BAZ2B: variants seen among roughly 807,000 people sequenced by gnomAD.
The protein encoded by BAZ2B is bromodomain adjacent to zinc finger domain protein 2B.
In BAZ2B, 91 loss-of-function variants were observed where a neutral mutation model predicts 246.0. That is an observed-to-expected ratio of 0.37 (90% CI 0.31 to 0.44). The LOEUF is 0.44. BAZ2B is among the 20% of genes least tolerant of loss of function. The pLI is 1.00. For missense variants in BAZ2B, 2,332 were observed against 2,533.7 expected, an observed-to-expected ratio of 0.92 and a Z score of 1.71; for synonymous variants, 855 against 860.0, an observed-to-expected ratio of 0.99 and a Z score of 0.10.
intron 8 of BAZ2B, chr2:159,437,924 A>T (rs571329310): frequency 6.0e-6 from 1 of 165,590 alleles, no homozygotes; most frequent in African/African-American, 2.5e-5. Flanking sequence ...CTCAAAAAAA[A>T]AAAATAAAAA....
chr2:159,339,115 T>C (rs1002179281), intron 31 of BAZ2B, among the ~76,000 whole-genome samples: 6 of 152,180 alleles, frequency 3.9e-5, no homozygotes, highest in African/African-American at 1.2e-4. Context: ...TCTTCCCCTT[T>C]AACTCAGTAG....
At chr2:159,690,139 GC>G in the BAZ2B span, 2 of 484,982 alleles carry the variant, frequency 4.1e-6, no homozygotes, top group Non-Finnish European at 7.4e-6. Context: ...GACTCTTGAG[GC>G]CATCAGATGC....
chr2:159,634,840 C>G, the BAZ2B span, among the ~76,000 whole-genome samples: 1 of 152,212 alleles, frequency 6.6e-6, no homozygotes, highest in African/African-American at 2.4e-5. Flanking sequence ...TAAAACACCC[C>G]TAGCCTGAAT....
chr2:159,417,020 A>T (rs1371470167), intron 13 of BAZ2B, among the ~76,000 whole-genome samples: 3 of 152,236 alleles, frequency 2.0e-5, no homozygotes, highest in Non-Finnish European at 4.4e-5. Context: ...CAGAAGTTAT[A>T]TATCAAAAGA....
At chr2:159,427,682 T>A (rs908105839) in intron 13 of BAZ2B, among the ~76,000 whole-genome samples, 11 of 152,194 alleles carry the variant, frequency 7.2e-5, no homozygotes, top group African/African-American at 2.7e-4. Flanking sequence ...TATACCTATA[T>A]AAACTGTAAA....
intron 18 of BAZ2B, among the ~76,000 whole-genome samples, chr2:159,397,958 G>C (rs2064306279): frequency 6.6e-6 from 1 of 152,106 alleles, no homozygotes; most frequent in African/African-American, 2.4e-5. Flanking sequence ...ACCATTCCAA[G>C]GGGATGGGGC....
At chr2:159,565,349 G>C (rs919323011) in intron 1 of BAZ2B, among the ~76,000 whole-genome samples, 1 of 152,198 alleles carries the variant, frequency 6.6e-6, no homozygotes, top group African/African-American at 2.4e-5. Context: ...ATACCTAGAG[G>C]GGGAGTGGAG....
At chr2:159,624,636 A>G in the BAZ2B span, among the ~76,000 whole-genome samples, 1 of 152,208 alleles carries the variant, frequency 6.6e-6, no homozygotes, top group Non-Finnish European at 1.5e-5. Flanking sequence ...TAGCATCAAC[A>G]TCAATAAAAA....
At chr2:159,685,216 A>T in the BAZ2B span, among the ~76,000 whole-genome samples, 1 of 152,222 alleles carries the variant, frequency 6.6e-6, no homozygotes, top group Non-Finnish European at 1.5e-5. Context: ...ATATAGAAAA[A>T]TGTTGCACTG....
intron 4 of BAZ2B, 35 bp downstream of exon 4, chr2:159,453,578 C>A: frequency 6.5e-7 from 1 of 1,538,722 alleles, no homozygotes; most frequent in South Asian, 1.3e-5. Flanking sequence ...AAGCTTTCCT[C>A]CTTCCCTTGA....
intron 1 of BAZ2B, among the ~76,000 whole-genome samples, chr2:159,588,332 A>T (rs2151680794): frequency 6.6e-6 from 1 of 152,106 alleles, no homozygotes; most frequent in South Asian, 2.1e-4. Flanking sequence ...AGATATATTT[A>T]TGAATTAATG....
chr2:159,401,051 A>C (rs2064977388), intron 16 of BAZ2B, among the ~76,000 whole-genome samples: 1 of 152,198 alleles, frequency 6.6e-6, no homozygotes, highest in African/African-American at 2.4e-5. Context: ...TCAAAATAAA[A>C]AAAAAAAAGT....
intron 14 of BAZ2B, among the ~76,000 whole-genome samples, chr2:159,408,378 C>T (rs1448177732): frequency 6.6e-6 from 1 of 152,068 alleles, no homozygotes; most frequent in Non-Finnish European, 1.5e-5. Flanking sequence ...GCTTTATTTC[C>T]CGGGCTGGTA....
At chr2:159,569,026 C>T (rs1172576139) in intron 1 of BAZ2B, among the ~76,000 whole-genome samples, 1 of 102,454 alleles carries the variant, frequency 9.8e-6, no homozygotes, top group Non-Finnish European at 2.0e-5. Context: ...TATTGATGCA[C>T]TGGCAGCATT....
intron 2 of BAZ2B, among the ~76,000 whole-genome samples, chr2:159,550,951 TC>T (rs2088096151): frequency 6.6e-6 from 1 of 152,140 alleles, no homozygotes; most frequent in Non-Finnish European, 1.5e-5. Flanking sequence ...TCCTTCCACC[TC>T]AGCTTCCCGA....
At chr2:159,570,182 G>T (rs5835749) in intron 1 of BAZ2B, among the ~76,000 whole-genome samples, 2,352 of 38,054 alleles carry the variant, frequency 0.062, 18 homozygotes, top group African/African-American at 0.16. Flanking sequence ...GTTTTTTTTT[G>T]TTTTTTTTGT....
At chr2:159,618,420 G>A (rs904283760), upstream of BAZ2B, among the ~76,000 whole-genome samples, 5 of 151,848 alleles carry the variant, frequency 3.3e-5, no homozygotes, top group African/African-American at 9.7e-5. Flanking sequence ...TAATTAACTC[G>A]GAGGCCAAGC....
chr2:159,621,259 C>T (rs1696418736), upstream of BAZ2B, among the ~76,000 whole-genome samples: 1 of 151,856 alleles, frequency 6.6e-6, no homozygotes, highest in South Asian at 2.1e-4. Flanking sequence ...TAGAATTGTC[C>T]CCAGTGTCCA....
chr2:159,629,870 T>C, the BAZ2B span, among the ~76,000 whole-genome samples: 14 of 152,066 alleles, frequency 9.2e-5, no homozygotes, highest in Non-Finnish European at 1.9e-4. Context: ...ATGAGGGACA[T>C]ATACAGTATG....
Sources: allele counts gnomAD v4.1 joint callset (sites outside exome capture counted in the v4.1 genomes callset), GRCh38; gene constraint gnomAD v4.1.1; transcripts MANE v1.5; gene names NCBI Gene and HGNC (gene_info 2026-07-23, HGNC 2026-07-21).